Variants in ARID4A observed in about 807,000 individuals in gnomAD.
ARID4A encodes the protein AT-rich interaction domain 4A, also known as AT-rich interactive domain-containing protein 4A.
Under a neutral mutation model 148.6 loss-of-function variants are expected in ARID4A, and 39 were observed. That is an observed-to-expected ratio of 0.26 (90% CI 0.20 to 0.34). ARID4A has a LOEUF of 0.34. Among genes scored for constraint, ARID4A ranks in the 10% least tolerant of loss-of-function variants. ARID4A has a pLI of 1.00. For missense variants in ARID4A, 1,265 were observed against 1,449.1 expected, an observed-to-expected ratio of 0.87 and a Z score of 2.06; for synonymous variants, 475 against 481.2, an observed-to-expected ratio of 0.99 and a Z score of 0.17.
chr14:58,362,193 T>C (rs983559677), intron 19 of ARID4A, among the ~76,000 whole-genome samples: 1 of 152,172 alleles, frequency 6.6e-6, no homozygotes, highest in Non-Finnish European at 1.5e-5. Flanking sequence ...CACAGACTAC[T>C]GTGGTGCAGG....
chr14:58,348,246 T>G (rs867941542), intron 15 of ARID4A, among the ~76,000 whole-genome samples: 3 of 152,202 alleles, frequency 2.0e-5, no homozygotes, highest in Non-Finnish European at 2.9e-5. Flanking sequence ...CTTTCTGTAA[T>G]TTACTTATTT....
At chr14:58,356,417 A>G (rs1056088448) in intron 17 of ARID4A, among the ~76,000 whole-genome samples, 1 of 152,180 alleles carries the variant, frequency 6.6e-6, no homozygotes, top group Non-Finnish European at 1.5e-5. Flanking sequence ...TATTCTCTAC[A>G]TACTTCCTGA....
At chr14:58,358,994 G>C (rs1001056962) in intron 17 of ARID4A, 138 bp from the exon 18 acceptor site, 5 of 888,842 alleles carry the variant, frequency 5.6e-6, no homozygotes, top group Non-Finnish European at 8.3e-6. Flanking sequence ...CAGCCCCTGT[G>C]CCCTTCATAT....
chr14:58,361,715 A>G (rs1451960641), intron 19 of ARID4A, among the ~76,000 whole-genome samples: 1 of 152,118 alleles, frequency 6.6e-6, no homozygotes, highest in Non-Finnish European at 1.5e-5. Context: ...TTAAAAGGTT[A>G]CCCGTACACT....
intron 7 of ARID4A, among the ~76,000 whole-genome samples, chr14:58,319,409 ATTTTTCTATTTTAAGTGAGTATATGT>A (rs1397147469): frequency 6.7e-6 from 1 of 149,254 alleles, no homozygotes; most frequent in Admixed American, 6.7e-5. Context: ...TGATATGATG[ATTTTTCTATTTTAAGTGAGTATATGT>A]TTTTTATCTT....
chr14:58,343,887 T>G (rs932521473), intron 11 of ARID4A, among the ~76,000 whole-genome samples: 1 of 151,988 alleles, frequency 6.6e-6, no homozygotes, highest in African/African-American at 2.4e-5. Flanking sequence ...AGAGTAATAC[T>G]CTAAGTTATG....
intron 7 of ARID4A, among the ~76,000 whole-genome samples, chr14:58,322,317 A>G (rs2032945174): frequency 6.6e-6 from 1 of 152,122 alleles, no homozygotes; most frequent in Non-Finnish European, 1.5e-5. Context: ...TCAGGACATG[A>G]TATATATTTA....
intron 17 of ARID4A, among the ~76,000 whole-genome samples, chr14:58,357,401 T>C (rs1480466031): frequency 1.3e-5 from 2 of 152,196 alleles, no homozygotes; most frequent in Non-Finnish European, 2.9e-5. Flanking sequence ...AAAGGAACCA[T>C]GTCCTTACTT....
chr14:58,364,827 CATT>C lies in ARID4A; in HGVS notation c.2739_2741del (p.Leu914del). 1 of 1,614,058 alleles carries C rather than the reference CATT, an allele frequency of 6.2e-7. No individual in the cohort carries two copies. Reference sequence around the variant, plus strand: ...GAAAGAGAAAATGAAGGAATGCCATCATTGATAGCAGAGTCAAACCAATGCATC... The same window carrying C: ...GAAAGAGAAAATGAAGGAATGCCATCGATAGCAGAGTCAAACCAATGCATC... On this transcript the variant is annotated inframe_deletion, in exon 20 of 24. Coordinates refer to ENST00000355431, the MANE Select transcript of ARID4A (RefSeq NM_002892.4).
chr14:58,342,957 A>C lies in ARID4A; in HGVS notation c.907-1738A>C, dbSNP rs185071186. ...AATGAAGTTTTCGTCTGAAGAGAGA[A>C]TATTACGATTACAGGGCACAGGCAA... On this transcript the variant is annotated intron_variant, in intron 11 of 23. Coordinates refer to ENST00000355431, the MANE Select transcript of ARID4A (RefSeq NM_002892.4). Among the ~76,000 whole-genome samples the C allele has an allele frequency of 2.6e-4, 39 of 152,144 alleles. No homozygotes were observed. In the East Asian group the frequency reaches 3.7e-3, roughly 14 times the overall value.
intron 17 of ARID4A, 31 bp from the exon 18 acceptor site, chr14:58,359,101 C>G (rs768080574): frequency 7.2e-7 from 1 of 1,393,660 alleles, no homozygotes; most frequent in Non-Finnish European, 9.6e-7. Context: ...AAAGTTTGTA[C>G]AAACTCTTTT....
chr14:58,351,992 T>C (rs190330397), intron 16 of ARID4A, among the ~76,000 whole-genome samples: 160 of 152,342 alleles, frequency 1.1e-3, no homozygotes, highest in African/African-American at 3.6e-3. Context: ...GACCAAGTTA[T>C]TAGCTGCTTC....
intron 23 of ARID4A, among the ~76,000 whole-genome samples, chr14:58,370,347 A>G (rs1013615674): frequency 6.6e-6 from 1 of 152,214 alleles, no homozygotes; most frequent in African/African-American, 2.4e-5. Context: ...CCCAGGCTGG[A>G]GTGCAATGGC....
intron 11 of ARID4A, among the ~76,000 whole-genome samples, chr14:58,343,920 A>G (rs2034232900): frequency 6.6e-6 from 1 of 152,174 alleles, no homozygotes; most frequent in Non-Finnish European, 1.5e-5. Flanking sequence ...GAGGAAACAT[A>G]TCAGTGTTTT....
rs1247300542 is a variant in ARID4A at position 58,299,878 on chromosome 14, T to C, written c.6+18T>C. The C allele has an allele frequency of 1.9e-6, 3 of 1,614,236 alleles. No individual in the cohort carries two copies. The highest frequency in any genetic ancestry group is 1.7e-5 in the Admixed American group (1 of 60,032). On this transcript the variant is annotated intron_variant, in intron 2 of 23. Coordinates refer to ENST00000355431, the MANE Select transcript of ARID4A (RefSeq NM_002892.4). ...AAATGAAGGTAAGTGGAGTCAACTC[T>C]GCCCCGATCCTCGCGCCCTGAACAC... is the stretch of plus-strand genomic sequence containing the variant.
intron 5 of ARID4A, 23 bp downstream of exon 5, chr14:58,306,135 A>G (rs1477007925): frequency 1.3e-6 from 2 of 1,551,800 alleles, no homozygotes; most frequent in South Asian, 2.2e-5. Flanking sequence ...GTAATTTAAC[A>G]CAGATTTGAT....
At chr14:58,317,508 G>A (rs1045081621) in intron 5 of ARID4A, among the ~76,000 whole-genome samples, 2 of 150,422 alleles carry the variant, frequency 1.3e-5, no homozygotes, top group Non-Finnish European at 3.0e-5. Flanking sequence ...GGATGGTCTC[G>A]ATTTCCTGAC....
intron 5 of ARID4A, among the ~76,000 whole-genome samples, chr14:58,317,624 CTTTTTTTTTTTTTTT>C (rs71107933): frequency 1.4e-5 from 1 of 69,888 alleles, no homozygotes; most frequent in East Asian, 4.2e-4. Flanking sequence ...TTATATTTGT[CTTTTTTTTTTTTTTT>C]TTTTTTTTTG....
In ARID4A at chr14:58,317,678, A is replaced by G. The variant is rs1467354218; in HGVS notation, c.275-864A>G. 1.8e-4 allele frequency among the ~76,000 whole-genome samples: 19 copies of G among 106,070 alleles called. No individual in the cohort carries two copies. In the Admixed American group the frequency reaches 2.8e-3, roughly 16 times the overall value. The allele number at this position is 106,070 out of a possible 152,430, so 69.6% of individuals were successfully genotyped here. ...CAGAATCTTGGTTTTGCTGTCACCC[A>G]GTGGCACAATCATGGCTCACTAACC... On this transcript the variant is annotated intron_variant, in intron 5 of 23. Coordinates refer to ENST00000355431, the MANE Select transcript of ARID4A (RefSeq NM_002892.4).
Sources: allele counts gnomAD v4.1 joint callset (sites outside exome capture counted in the v4.1 genomes callset), GRCh38; gene constraint gnomAD v4.1.1; transcripts MANE v1.5; gene names NCBI Gene and HGNC (gene_info 2026-07-23, HGNC 2026-07-21).